Variants in CDYL observed in about 807,000 individuals in gnomAD.
CDYL encodes the protein chromodomain Y like.
CDYL carries 8 observed loss-of-function variants against 47.3 expected under a neutral mutation model. The observed-to-expected ratio is 0.17, with a 90% CI of 0.10 to 0.31. The LOEUF is 0.31. Ranked by LOEUF, CDYL falls within the 10% of genes least tolerant of loss-of-function variation. CDYL has a pLI of 1.00. For synonymous variants in CDYL, 266 were observed against 265.0 expected, an observed-to-expected ratio of 1.00 and a Z score of -0.04; for missense variants, 471 against 701.4, an observed-to-expected ratio of 0.67 and a Z score of 3.71.
chr6:4,774,381 T>G (rs753514849), upstream of CDYL: 1 of 152,170 alleles, frequency 6.6e-6, no homozygotes, highest in African/African-American at 2.4e-5. Flanking sequence ...ACAACTTTTG[T>G]TGATAAATTG....
intron 2 of CDYL, among the ~76,000 whole-genome samples, chr6:4,911,476 T>G (rs372158747): frequency 6.6e-6 from 1 of 152,332 alleles, no homozygotes; most frequent in African/African-American, 2.4e-5. Context: ...TTTTTCCTGG[T>G]TTAGTGAACA....
intron 1 of CDYL, among the ~76,000 whole-genome samples, chr6:4,806,648 A>G (rs1759378945): frequency 7.0e-6 from 1 of 143,162 alleles, no homozygotes; most frequent in Non-Finnish European, 1.5e-5. Flanking sequence ...TCCAGGACCC[A>G]GCATTGCATT....
intron 2 of CDYL, among the ~76,000 whole-genome samples, chr6:4,894,606 A>G (rs1420037745): frequency 6.6e-6 from 1 of 151,962 alleles, no homozygotes; most frequent in Admixed American, 6.6e-5. Flanking sequence ...TCCACCACCA[A>G]TCCCGGCTAA....
chr6:4,950,793 GT>G (rs1355238687), intron 5 of CDYL, among the ~76,000 whole-genome samples: 3 of 152,074 alleles, frequency 2.0e-5, no homozygotes, highest in African/African-American at 4.8e-5. Flanking sequence ...TTAGCCGGGC[GT>G]GGTGGCGGGC....
chr6:4,816,458 C>A (rs1017132043), intron 1 of CDYL, among the ~76,000 whole-genome samples: 1 of 150,972 alleles, frequency 6.6e-6, no homozygotes, highest in Non-Finnish European at 1.5e-5. Context: ...GATATTGTTA[C>A]AGAAGAAGCA....
chr6:4,786,735 G>C (rs1293791510), intron 1 of CDYL, among the ~76,000 whole-genome samples: 1 of 152,084 alleles, frequency 6.6e-6, no homozygotes, highest in African/African-American at 2.4e-5. Context: ...TTGGAATGAG[G>C]ACCAATCTGC....
intron 3 of CDYL, among the ~76,000 whole-genome samples, chr6:4,737,488 A>G (rs890201219): frequency 3.3e-5 from 5 of 151,990 alleles, no homozygotes; most frequent in African/African-American, 9.7e-5. Context: ...CCCCGTGTCT[A>G]CTAAAAATAC....
chr6:4,914,216 T>TC (rs1416847062), intron 2 of CDYL, among the ~76,000 whole-genome samples: 1 of 151,064 alleles, frequency 6.6e-6, no homozygotes, highest in Non-Finnish European at 1.5e-5. Context: ...TTTTTTTTTT[T>TC]TTTTTCCACA....
At chr6:4,758,009 T>C (rs1758102574) in intron 3 of CDYL, among the ~76,000 whole-genome samples, 1 of 152,248 alleles carries the variant, frequency 6.6e-6, no homozygotes, top group African/African-American at 2.4e-5. Flanking sequence ...ATTTCATTTT[T>C]TTCTACTTAT....
intron 3 of CDYL, among the ~76,000 whole-genome samples, chr6:4,769,059 G>GC (rs1162359826): frequency 1.3e-5 from 2 of 152,188 alleles, no homozygotes; most frequent in Non-Finnish European, 1.5e-5. Flanking sequence ...AACTGCCATA[G>GC]CCAAGAGAAG....
chr6:4,793,159 T>C (rs1235733842), intron 1 of CDYL, among the ~76,000 whole-genome samples: 1 of 152,234 alleles, frequency 6.6e-6, no homozygotes, highest in Non-Finnish European at 1.5e-5. Context: ...ATCTACACCC[T>C]GGAATCATCA....
At chr6:4,893,634 A>C (rs982162752) in intron 2 of CDYL, among the ~76,000 whole-genome samples, 1 of 149,318 alleles carries the variant, frequency 6.7e-6, no homozygotes, top group African/African-American at 2.5e-5. Context: ...CAGAGGTTGC[A>C]GTGAGCCGAG....
At chr6:4,872,176 A>C (rs1162166397) in intron 1 of CDYL, among the ~76,000 whole-genome samples, 2 of 152,250 alleles carry the variant, frequency 1.3e-5, no homozygotes, top group East Asian at 3.9e-4. Flanking sequence ...CAGAGGGCTT[A>C]GTTTTTCAAC....
intron 1 of CDYL, among the ~76,000 whole-genome samples, chr6:4,866,868 A>G (rs913409473): frequency 2.0e-5 from 3 of 152,084 alleles, no homozygotes; most frequent in African/African-American, 7.2e-5. Flanking sequence ...GTATTCTACC[A>G]AACAGTCAAG....
chr6:4,928,803 C>T (rs921843116), intron 2 of CDYL: 8 of 151,278 alleles, frequency 5.3e-5, no homozygotes, highest in African/African-American at 1.9e-4. Flanking sequence ...AGATCAGTCT[C>T]GAGAATTTAT....
intron 3 of CDYL, among the ~76,000 whole-genome samples, chr6:4,766,434 C>A (rs370305311): frequency 6.6e-6 from 1 of 152,042 alleles, no homozygotes; most frequent in Non-Finnish European, 1.5e-5. Flanking sequence ...TGGTCTCGAT[C>A]TCCCGACCTC....
At chr6:4,907,429 C>T (rs900025791) in intron 2 of CDYL, among the ~76,000 whole-genome samples, 3 of 152,182 alleles carry the variant, frequency 2.0e-5, no homozygotes, top group Non-Finnish European at 2.9e-5. Context: ...GGTGCCATCT[C>T]AGCTCACTGC....
intron 3 of CDYL, among the ~76,000 whole-genome samples, chr6:4,753,468 A>G (rs942466427): frequency 2.0e-5 from 3 of 152,186 alleles, no homozygotes; most frequent in African/African-American, 7.2e-5. Flanking sequence ...CTGATTTTTG[A>G]GAAATAATGT....
At chr6:4,724,981 T>C (rs1417418609) in intron 2 of CDYL, 1 of 152,188 alleles carries the variant, frequency 6.6e-6, no homozygotes, top group African/African-American at 2.4e-5. Flanking sequence ...TGGTCTGTTT[T>C]ACAGAGAGCT....
Sources: gnomAD v4.1 joint callset for allele counts (sites outside exome capture counted in the v4.1 genomes callset) on GRCh38, gnomAD v4.1.1 for gene constraint, MANE v1.5 for transcripts, NCBI Gene and HGNC (gene_info 2026-07-23, HGNC 2026-07-21) for gene names.